The following PIK3AP1 variants were observed in gnomAD, a reference collection of about 807,000 sequenced individuals.
The protein encoded by PIK3AP1 is phosphoinositide 3-kinase adapter protein 1.
Under a neutral mutation model 88.1 loss-of-function variants are expected in PIK3AP1, and 21 were observed. That is an observed-to-expected ratio of 0.24 (90% CI 0.17 to 0.34). The LOEUF (loss-of-function observed/expected upper bound fraction) is 0.34. Among genes scored for constraint, PIK3AP1 ranks in the 10% least tolerant of loss-of-function variants. PIK3AP1 has a pLI of 1.00. For missense variants in PIK3AP1, 828 were observed against 1,035.7 expected (o/e 0.80, Z 2.75); for synonymous variants, 398 against 400.0 (o/e 1.00, Z 0.06).
At chr10:96,639,525 T>G (rs1397817957) in intron 8 of PIK3AP1, among the ~76,000 whole-genome samples, 1 of 152,236 alleles carries the variant, frequency 6.6e-6, no homozygotes, top group Non-Finnish European at 1.5e-5. Context: ...TATCTTTAAA[T>G]GTTAAAACAT....
chr10:96,630,672 TA>T (rs368872141), intron 8 of PIK3AP1, among the ~76,000 whole-genome samples: 2,189 of 142,752 alleles, frequency 0.015, 52 homozygotes, highest in African/African-American at 0.052. Flanking sequence ...CTGTCTCTAT[TA>T]AAAAAAAAAA....
At chr10:96,622,299 A>G (rs1432338281) in intron 11 of PIK3AP1, among the ~76,000 whole-genome samples, 1 of 152,058 alleles carries the variant, frequency 6.6e-6, no homozygotes, top group African/African-American at 2.4e-5. Context: ...GCCAACCCTC[A>G]TCTCTCTACA....
chr10:96,671,638 A>G (rs78340939), intron 2 of PIK3AP1, among the ~76,000 whole-genome samples: 6,948 of 152,218 alleles, frequency 0.046, 173 homozygotes, highest in Middle Eastern at 0.085. Context: ...TGAGTTAATT[A>G]AAGTGACATC....
At chr10:96,688,934 T>G (rs1359500331) in intron 2 of PIK3AP1, among the ~76,000 whole-genome samples, 2 of 151,966 alleles carry the variant, frequency 1.3e-5, no homozygotes, top group Non-Finnish European at 2.9e-5. Flanking sequence ...TGTGCTTATC[T>G]CTACATCCAA....
intron 14 of PIK3AP1, among the ~76,000 whole-genome samples, chr10:96,604,415 C>G (rs1312571495): frequency 8.0e-6 from 1 of 125,374 alleles, no homozygotes; most frequent in African/African-American, 3.0e-5. Flanking sequence ...ACAGGCTGGT[C>G]TTCAACTCTT....
chr10:96,669,813 T>C (rs778257095), intron 2 of PIK3AP1, among the ~76,000 whole-genome samples: 2 of 151,536 alleles, frequency 1.3e-5, no homozygotes, highest in Non-Finnish European at 2.9e-5. Context: ...ATGTGATACC[T>C]TATCACCAGG....
At chr10:96,701,356 C>T (rs1844295681) in intron 2 of PIK3AP1, among the ~76,000 whole-genome samples, 1 of 152,182 alleles carries the variant, frequency 6.6e-6, no homozygotes, top group Non-Finnish European at 1.5e-5. Context: ...GCTTTCTAGG[C>T]CCAAAGGCCC....
At chr10:96,700,649 A>AT (rs1304525025) in intron 2 of PIK3AP1, among the ~76,000 whole-genome samples, 1 of 152,208 alleles carries the variant, frequency 6.6e-6, no homozygotes, top group Non-Finnish European at 1.5e-5. Context: ...AGAGTGGCTT[A>AT]ACCCACAGCA....
intron 2 of PIK3AP1, among the ~76,000 whole-genome samples, chr10:96,665,892 G>C (rs967761386): frequency 6.6e-6 from 1 of 152,136 alleles, no homozygotes; most frequent in African/African-American, 2.4e-5. Flanking sequence ...TAACACAGGG[G>C]AGACGGAGCA....
intron 2 of PIK3AP1, among the ~76,000 whole-genome samples, chr10:96,665,459 T>C (rs1263704169): frequency 6.6e-6 from 1 of 152,208 alleles, no homozygotes; most frequent in Non-Finnish European, 1.5e-5. Context: ...CTATTTCTCT[T>C]TTTTATATTG....
chr10:96,700,938 G>A lies in PIK3AP1; in HGVS notation c.430+8629C>T, dbSNP rs1199289528. 3.1e-6 allele frequency: 3 copies of A among 955,844 alleles called. No individual in the cohort carries two copies. The East Asian group carries it at 3.5e-4, about 111-fold the overall frequency. The allele number at this position is 955,844 out of a possible 1,614,324, so 59.2% of individuals were successfully genotyped here. A position where few individuals can be genotyped will look rare whatever the true frequency, so the allele number is the denominator to read the frequency against. On this transcript the variant is annotated intron_variant, in intron 2 of 16. Coordinates refer to ENST00000339364, the MANE Select transcript of PIK3AP1 (RefSeq NM_152309.3). ...GCTCTGAGCCCCTTGGGACTACTGT[G>A]CCCATAACAGCCCATAATAGCCTAT... is the stretch of plus-strand genomic sequence containing the variant.
chr10:96,641,271 A>C (rs1843385792), intron 8 of PIK3AP1, among the ~76,000 whole-genome samples: 1 of 152,154 alleles, frequency 6.6e-6, no homozygotes, highest in Non-Finnish European at 1.5e-5. Context: ...CTTCCAACTC[A>C]GGTGGTTGCC....
intron 14 of PIK3AP1, among the ~76,000 whole-genome samples, chr10:96,607,827 T>G (rs1437049154): frequency 6.6e-6 from 1 of 152,172 alleles, no homozygotes; most frequent in Non-Finnish European, 1.5e-5. Flanking sequence ...AGAGGAAAGA[T>G]GAACCACCGT....
At chr10:96,713,433 G>T (rs1844463304) in intron 1 of PIK3AP1, among the ~76,000 whole-genome samples, 1 of 151,162 alleles carries the variant, frequency 6.6e-6, no homozygotes, top group Non-Finnish European at 1.5e-5. Flanking sequence ...GGACCTGGGA[G>T]GCGGAGCTTG....
intron 8 of PIK3AP1, 115 bp from the exon 9 acceptor site, chr10:96,628,608 A>C (rs1241040271): frequency 2.3e-6 from 2 of 858,124 alleles, no homozygotes; most frequent in Non-Finnish European, 3.9e-6. Flanking sequence ...AGCATTCATC[A>C]ATCTATCCAT....
intron 13 of PIK3AP1, among the ~76,000 whole-genome samples, chr10:96,610,829 G>A (rs1380902378): frequency 6.6e-6 from 1 of 152,196 alleles, no homozygotes; most frequent in African/African-American, 2.4e-5. Context: ...ACTTCCTCCT[G>A]AAGGCAAGAT....
At chr10:96,671,665 AC>A (rs1449882676) in intron 2 of PIK3AP1, among the ~76,000 whole-genome samples, 1 of 151,112 alleles carries the variant, frequency 6.6e-6, no homozygotes, top group Non-Finnish European at 1.5e-5. Context: ...TGTTCTCATC[AC>A]CGTCGTCATC....
chr10:96,616,826 T>A (rs1849222651), intron 12 of PIK3AP1, 115 bp from the exon 13 acceptor site: 1 of 987,356 alleles, frequency 1.0e-6, no homozygotes, highest in Non-Finnish European at 1.6e-6. Flanking sequence ...GCAGTCACAT[T>A]TACAACATGC....
intron 2 of PIK3AP1, among the ~76,000 whole-genome samples, chr10:96,701,972 T>C (rs1219589409): frequency 6.6e-6 from 1 of 152,202 alleles, no homozygotes. Context: ...TTTTCAGCTA[T>C]AAGAAAGAAG....
Sources: allele counts gnomAD v4.1 joint callset (sites outside exome capture counted in the v4.1 genomes callset), GRCh38; gene constraint gnomAD v4.1.1; transcripts MANE v1.5; gene names NCBI Gene and HGNC (gene_info 2026-07-23, HGNC 2026-07-21).